PEX7: variants seen among roughly 807,000 people sequenced by gnomAD.
PEX7 encodes the protein PTS2 receptor.
Under a neutral mutation model 47.5 loss-of-function variants are expected in PEX7, and 34 were observed. The observed-to-expected ratio is 0.72, with a 90% CI of 0.54 to 0.95. The LOEUF is 0.95. Among genes scored for constraint, PEX7 ranks in the 40% least tolerant of loss-of-function variants. The pLI, the probability that PEX7 is intolerant of heterozygous loss-of-function variation, is 0.00. For synonymous variants in PEX7, 141 were observed against 148.8 expected, an observed-to-expected ratio of 0.95 and a Z score of 0.38; for missense variants, 394 against 400.3, an observed-to-expected ratio of 0.98 and a Z score of 0.13.
rs1554331549 is a variant in PEX7, at chr6:136,846,122, G to A, written c.467G>A (p.Ser156Asn). The A allele has an allele frequency of 1.5e-5, 24 of 1,613,722 alleles. No homozygotes were observed. In the South Asian group the frequency reaches 2.4e-4, roughly 16 times the overall value. Residue 156 changes from serine to asparagine, a missense_variant, in exon 5 of 10, where the codon AGT (serine) becomes AAT (asparagine). Physicochemically the swap from Ser to Asn is conservative, Grantham distance 46 (BLOSUM62 1). Transcript: ENST00000318471. Reference sequence around the variant, plus strand: ...CTGTGCACCTTTAGAGGCCATGAAAGTATTATTTATAGCACAATCTGGTCT... The same window carrying A: ...CTGTGCACCTTTAGAGGCCATGAAAATATTATTTATAGCACAATCTGGTCT... ...KSLCTFRGHE[S>N]IIYSTIWSPH... is the part of the protein sequence containing the mutation.
intron 9 of PEX7, among the ~76,000 whole-genome samples, chr6:136,911,617 G>C (rs761433497): frequency 2.6e-5 from 4 of 152,034 alleles, no homozygotes; most frequent in Non-Finnish European, 5.9e-5. Context: ...ATGGTGCCCA[G>C]GCTGGTCTCA....
At chr6:136,827,592 A>G (rs1402808778) in intron 3 of PEX7, among the ~76,000 whole-genome samples, 1 of 147,282 alleles carries the variant, frequency 6.8e-6, no homozygotes, top group Non-Finnish European at 1.5e-5. Context: ...CAGTGGTGCA[A>G]TCTTGGCTTA....
intron 8 of PEX7, among the ~76,000 whole-genome samples, chr6:136,881,129 C>T (rs1025194447): frequency 6.6e-6 from 1 of 152,008 alleles, no homozygotes; most frequent in Non-Finnish European, 1.5e-5. Flanking sequence ...AATGAATAAG[C>T]CAAAGGGAGA....
chr6:136,903,155 G>T (rs1174353225), intron 9 of PEX7, among the ~76,000 whole-genome samples: 1 of 151,912 alleles, frequency 6.6e-6, no homozygotes, highest in Non-Finnish European at 1.5e-5. Context: ...AGCTCAATTA[G>T]TTATCCAGAA....
chr6:136,823,913 C>T (rs745665005), intron 1 of PEX7, among the ~76,000 whole-genome samples: 2 of 152,258 alleles, frequency 1.3e-5, no homozygotes, highest in African/African-American at 2.4e-5. Flanking sequence ...CCATCTAGTC[C>T]GTGGACTAGA....
At position 136,866,680 on chromosome 6, in the gene PEX7, A is replaced by C. The variant is rs1775078396; in HGVS notation, c.580A>C (p.Ile194Leu). 2 of 1,613,946 alleles carry C rather than the reference A, an allele frequency of 1.2e-6. No homozygotes were observed. Among genetic ancestry groups the C allele is most frequent in the East Asian group, 2.2e-5 (1 of 44,872 alleles). Residue 194 changes from isoleucine (I) to leucine (L), a missense_variant, in exon 6 of 10, where the codon ATT becomes CTT. Physicochemically the swap from Ile to Leu is conservative, Grantham distance 5. Transcript: ENST00000318471. ...GAAGGCAGCAGGAGTAAGAATCGTGATTCCTGCACATCAGGCAGAAATCTT... is the reference window on the plus strand; with the variant it reads ...GAAGGCAGCAGGAGTAAGAATCGTGCTTCCTGCACATCAGGCAGAAATCTT... ...DVKAAGVRIV[I>L]PAHQAEILSC... is the part of the protein sequence containing the mutation.
intron 8 of PEX7, among the ~76,000 whole-genome samples, chr6:136,876,328 C>T (rs1185002788): frequency 6.6e-6 from 1 of 152,096 alleles, no homozygotes; most frequent in East Asian, 1.9e-4. Flanking sequence ...TGAGCCACTG[C>T]GCCCGGCCGA....
rs773494217 is a variant in PEX7 at position 136,913,558 on chromosome 6, T to G, written c.*32T>G. 1 of 1,417,756 alleles carries G rather than the reference T, an allele frequency of 7.1e-7. No homozygotes were observed. The highest frequency in any genetic ancestry group is 1.0e-6 in the Non-Finnish European group (1 of 1,001,712). 87.8% of individuals were successfully genotyped at this position (1,417,756 alleles called of 1,614,324 possible). ...CTACTTTGGTCAGAAACAGAGGATG[T>G]TGGCTGAAGAACTGCCTAACAGCAA... On this transcript the variant is annotated 3_prime_UTR_variant, in exon 10 of 10. Transcript: ENST00000318471.
intron 3 of PEX7, among the ~76,000 whole-genome samples, chr6:136,844,765 C>T (rs1774564578): frequency 1.3e-5 from 2 of 150,722 alleles, no homozygotes; most frequent in Admixed American, 6.6e-5. Context: ...TGTTTTTTTT[C>T]CTCAGCCTCC....
intron 1 of PEX7, chr6:136,823,093 G>A (rs1210104434): frequency 2.0e-6 from 2 of 985,376 alleles, no homozygotes; most frequent in Non-Finnish European, 2.4e-6. Flanking sequence ...ACACGCCCAG[G>A]CACACGTCCC....
Position 136,913,542 on chromosome 6 carries a change from T to C in PEX7, c.*16T>C, listed in dbSNP as rs768725044. The stretch of plus-strand genomic sequence containing the variant: ...TCCTGCTTGAGATACACTACTTTGG[T>C]CAGAAACAGAGGATGTTGGCTGAAG... On this transcript the variant is annotated 3_prime_UTR_variant, in exon 10 of 10. Coordinates refer to ENST00000318471, the MANE Select transcript of PEX7 (RefSeq NM_000288.4). 1 of 1,556,842 alleles carries C rather than the reference T, an allele frequency of 6.4e-7. No homozygotes were observed. The highest frequency in any genetic ancestry group is 8.9e-7 in the Non-Finnish European group (1 of 1,128,356).
Position 136,907,159 on chromosome 6 carries a change from C to G in PEX7, c.904-6299C>G, listed in dbSNP as rs150963482. Among the ~76,000 whole-genome samples, 22 of 152,248 alleles carry G rather than the reference C, an allele frequency of 1.4e-4. No individual in the cohort carries two copies. The East Asian group carries it at 4.2e-3, about 29-fold the overall frequency. ...CCTTCTCTCCTCCTCTTCTTTCCTT[C>G]TCTGCTTCAGTAAATATTTTGTGTC... On this transcript the variant is annotated intron_variant, in intron 9 of 9. Transcript: ENST00000318471.
chr6:136,911,417 T>C (rs78214605), intron 9 of PEX7, among the ~76,000 whole-genome samples: 2,484 of 151,836 alleles, frequency 0.016, 81 homozygotes, highest in African/African-American at 0.057. Context: ...TTGTTTTCCT[T>C]TTTTTTTAGA....
intron 3 of PEX7, among the ~76,000 whole-genome samples, chr6:136,830,961 T>C (rs1774282124): frequency 1.3e-5 from 2 of 152,232 alleles, no homozygotes; most frequent in Non-Finnish European, 2.9e-5. Flanking sequence ...TATTCTGTTA[T>C]GGAGGAAATG....
At chr6:136,861,566 G>A (rs1351681022) in intron 5 of PEX7, among the ~76,000 whole-genome samples, 2 of 151,980 alleles carry the variant, frequency 1.3e-5, no homozygotes, top group Non-Finnish European at 2.9e-5. Flanking sequence ...GAAACCTCGA[G>A]CTTAATTAAA....
At chr6:136,868,721 TG>T (rs1024884702) in intron 6 of PEX7, among the ~76,000 whole-genome samples, 3 of 145,936 alleles carry the variant, frequency 2.1e-5, no homozygotes, top group Admixed American at 6.8e-5. Flanking sequence ...TTACTTTCAA[TG>T]GCAAAAACTG....
intron 5 of PEX7, among the ~76,000 whole-genome samples, chr6:136,860,668 T>TAA (rs752108336): frequency 1.1e-5 from 1 of 90,838 alleles, no homozygotes; most frequent in African/African-American, 4.2e-5. Context: ...AAAGTATAAT[T>TAA]AAAAAAAAAA....
chr6:136,858,178 A>G (rs1377883846), intron 5 of PEX7, among the ~76,000 whole-genome samples: 1 of 152,206 alleles, frequency 6.6e-6, no homozygotes, highest in Admixed American at 6.5e-5. Context: ...GTATAAATGG[A>G]TTCCTGAGCT....
intron 3 of PEX7, among the ~76,000 whole-genome samples, chr6:136,832,715 C>T (rs1009458703): frequency 1.3e-5 from 2 of 152,184 alleles, no homozygotes; most frequent in Non-Finnish European, 2.9e-5. Flanking sequence ...TTTCACCAGA[C>T]ACTCTAAATC....
Sources: gnomAD v4.1 joint callset for allele counts (sites outside exome capture counted in the v4.1 genomes callset) on GRCh38, gnomAD v4.1.1 for gene constraint, MANE v1.5 for transcripts, NCBI Gene and HGNC (gene_info 2026-07-23, HGNC 2026-07-21) for gene names.